The following TEX9 variants were observed in gnomAD, a reference collection of about 807,000 sequenced individuals.
TEX9 encodes the protein testis expressed 9, also known as testis-expressed protein 9.
TEX9 carries 74 observed loss-of-function variants against 59.6 expected under a neutral mutation model. The observed-to-expected ratio is 1.24, with a 90% confidence interval of 1.03 to 1.51. The LOEUF is 1.51. Ranked by LOEUF, TEX9 falls within the 40% of genes most tolerant of loss-of-function variation. The probability of loss-of-function intolerance (pLI) is 0.00; values close to 1 mark genes in which losing one functional copy is unlikely to be tolerated. For synonymous variants in TEX9, 186 were observed against 152.2 expected (o/e 1.22, Z -1.64); for missense variants, 522 against 447.8 (o/e 1.17, Z -1.49).
chr15:56,449,735 A>G (rs555720677), downstream of TEX9, among the ~76,000 whole-genome samples: 58 of 152,336 alleles, frequency 3.8e-4, no homozygotes, highest in Non-Finnish European at 7.4e-4. Flanking sequence ...AATATCTTTA[A>G]AAGTTATAGG....
At chr15:56,308,410 T>G (rs189507004) in intron 1 of TEX9, among the ~76,000 whole-genome samples, 301 of 152,306 alleles carry the variant, frequency 2.0e-3, no homozygotes, top group African/African-American at 6.9e-3. Flanking sequence ...TTTGATTGAA[T>G]TATTGGTGTT....
intron 1 of TEX9, among the ~76,000 whole-genome samples, chr15:56,272,336 A>G (rs1253245063): frequency 6.6e-6 from 1 of 152,156 alleles, no homozygotes; most frequent in Admixed American, 6.5e-5. Context: ...ATGGATTTTC[A>G]TATTATGGAT....
chr15:56,308,211 T>G (rs1252606902), intron 1 of TEX9, among the ~76,000 whole-genome samples: 1 of 152,246 alleles, frequency 6.6e-6, no homozygotes, highest in African/African-American at 2.4e-5. Flanking sequence ...GGGTTCCAAT[T>G]TCTTCACATC....
At chr15:56,273,108 C>T (rs2044586745) in intron 1 of TEX9, among the ~76,000 whole-genome samples, 1 of 151,934 alleles carries the variant, frequency 6.6e-6, no homozygotes, top group African/African-American at 2.4e-5. Context: ...CATGTGCCAC[C>T]ACACCCGGCT....
chr15:56,381,402 G>A (rs1414413313), intron 3 of TEX9, among the ~76,000 whole-genome samples: 1 of 152,042 alleles, frequency 6.6e-6, no homozygotes, highest in Non-Finnish European at 1.5e-5. Context: ...TTGGTCTCTG[G>A]TGTCTTATTT....
chr15:56,301,434 A>G (rs1241098583), intron 1 of TEX9, among the ~76,000 whole-genome samples: 2 of 152,194 alleles, frequency 1.3e-5, no homozygotes, highest in Non-Finnish European at 2.9e-5. Flanking sequence ...TTCAAGTATA[A>G]GAAGGTTATA....
At chr15:56,445,471 T>C (rs1239199132) in intron 12 of TEX9, among the ~76,000 whole-genome samples, 1 of 152,018 alleles carries the variant, frequency 6.6e-6, no homozygotes, top group Non-Finnish European at 1.5e-5. Flanking sequence ...GTAAACAGAT[T>C]AAAATATGAA....
chr15:56,277,965 T>G (rs1250441339), intron 1 of TEX9, among the ~76,000 whole-genome samples: 1 of 152,158 alleles, frequency 6.6e-6, no homozygotes, highest in Non-Finnish European at 1.5e-5. Context: ...TTCGTTTTTT[T>G]TTTCTCTTTT....
At chr15:56,447,861 G>A (rs2050919362), downstream of TEX9, among the ~76,000 whole-genome samples, 1 of 152,092 alleles carries the variant, frequency 6.6e-6, no homozygotes, top group Admixed American at 6.6e-5. Context: ...GTCACCTTAG[G>A]CAGTATAAAT....
intron 3 of TEX9, among the ~76,000 whole-genome samples, chr15:56,378,641 C>G (rs1219767087): frequency 2.6e-5 from 4 of 151,736 alleles, no homozygotes; most frequent in African/African-American, 9.7e-5. Context: ...TTTTGCTCAT[C>G]TTTAAAAAAA....
chr15:56,322,317 G>T (rs2554286), intron 1 of TEX9, among the ~76,000 whole-genome samples: 13,913 of 152,130 alleles, frequency 0.091, 1,411 homozygotes, highest in East Asian at 0.47. Context: ...AGTAAGCAGG[G>T]TAACTACCCG....
chr15:56,379,624 T>C lies in TEX9; in HGVS notation c.184-4328T>C, dbSNP rs1156245726. Among the ~76,000 whole-genome samples, 4 of 152,214 alleles carry C rather than the reference T, an allele frequency of 2.6e-5. No individual in the cohort carries two copies. In the East Asian group the frequency reaches 7.7e-4, roughly 29 times the overall value. ...GTTTCTTTCTGGGAGATCTGTCCAGTGCTAAAAGTGGGTGCTGAAGTCTCC... is the reference window on the plus strand; with the variant it reads ...GTTTCTTTCTGGGAGATCTGTCCAGCGCTAAAAGTGGGTGCTGAAGTCTCC... On this transcript the variant is annotated intron_variant, in intron 3 of 12. Coordinates refer to ENST00000352903, the Ensembl canonical transcript of TEX9.
intron 1 of TEX9, among the ~76,000 whole-genome samples, chr15:56,257,600 T>C (rs1463815174): frequency 1.3e-5 from 2 of 152,142 alleles, no homozygotes; most frequent in African/African-American, 4.8e-5. Flanking sequence ...TTTTGAGAAG[T>C]GTCTGTTTGT....
At chr15:56,409,401 C>T (rs1368001324) in intron 9 of TEX9, among the ~76,000 whole-genome samples, 1 of 152,132 alleles carries the variant, frequency 6.6e-6, no homozygotes, top group Admixed American at 6.5e-5. Flanking sequence ...CCACACTGAC[C>T]TTCTAGGTGA....
chr15:56,285,834 AG>A (rs1408000381), intron 1 of TEX9, among the ~76,000 whole-genome samples: 1 of 152,206 alleles, frequency 6.6e-6, no homozygotes, highest in African/African-American at 2.4e-5. Flanking sequence ...GTATACTTGG[AG>A]AGCAAACTAA....
At chr15:56,345,167 C>T (rs997590992) in intron 1 of TEX9, among the ~76,000 whole-genome samples, 6 of 151,302 alleles carry the variant, frequency 4.0e-5, no homozygotes, top group Admixed American at 1.3e-4. Context: ...TCTGGGAGAG[C>T]TTATCTCCTC....
intron 1 of TEX9, among the ~76,000 whole-genome samples, chr15:56,356,438 T>C (rs2046686298): frequency 6.6e-6 from 1 of 152,146 alleles, no homozygotes; most frequent in African/African-American, 2.4e-5. Context: ...TATCATCTTG[T>C]TTGCTCACCA....
At chr15:56,423,926 C>T (rs534539501) in intron 10 of TEX9, among the ~76,000 whole-genome samples, 1 of 152,218 alleles carries the variant, frequency 6.6e-6, no homozygotes, top group South Asian at 2.1e-4. Context: ...CACCCTTCCC[C>T]CACAAGTCCC....
At chr15:56,420,254 C>T (rs1009540483) in intron 10 of TEX9, among the ~76,000 whole-genome samples, 1 of 150,868 alleles carries the variant, frequency 6.6e-6, no homozygotes, top group African/African-American at 2.4e-5. Context: ...TTCTGCTCTT[C>T]TATTTCTTTC....
Sources: gnomAD v4.1 joint callset for allele counts (sites outside exome capture counted in the v4.1 genomes callset) on GRCh38, gnomAD v4.1.1 for gene constraint, MANE v1.5 for transcripts, NCBI Gene and HGNC (gene_info 2026-07-23, HGNC 2026-07-21) for gene names.